The following XPR1 variants were observed in gnomAD, a reference collection of about 807,000 sequenced individuals.
The protein encoded by XPR1 is solute carrier family 53 member 1.
In XPR1, 28 loss-of-function variants were observed where a neutral mutation model predicts 87.5. The ratio of observed to expected loss-of-function variants is 0.32; its 90% CI spans 0.24 to 0.44. The LOEUF (loss-of-function observed/expected upper bound fraction) is 0.44. XPR1 is among the 20% of genes least tolerant of loss of function. The pLI, the probability that XPR1 is intolerant of heterozygous loss-of-function variation, is 1.00. For synonymous variants in XPR1, 300 were observed against 306.1 expected (o/e 0.98, Z 0.21); for missense variants, 559 against 862.3 (o/e 0.65, Z 4.41).
intron 9 of XPR1, among the ~76,000 whole-genome samples, chr1:180,827,344 A>C (rs186791962): frequency 1.3e-5 from 2 of 152,068 alleles, no homozygotes; most frequent in African/African-American, 4.8e-5. Context: ...AGGTTTTACT[A>C]TGATTACGTA....
intron 3 of XPR1, 55 bp from the exon 4 acceptor site, chr1:180,803,333 T>G (rs1649863412): frequency 6.6e-7 from 1 of 1,515,058 alleles, no homozygotes; most frequent in African/African-American, 1.4e-5. Context: ...AATTCAGAAG[T>G]CAGTAGGAAC....
chr1:180,712,237 A>C (rs1479666814), intron 2 of XPR1, among the ~76,000 whole-genome samples: 1 of 152,228 alleles, frequency 6.6e-6, no homozygotes, highest in Non-Finnish European at 1.5e-5. Flanking sequence ...TTACTTGAAC[A>C]CAAGCACTGA....
At position 180,873,917 on chromosome 1, in the gene XPR1, G is replaced by A; in HGVS notation, c.1783G>A (p.Val595Ile). 6.2e-7 allele frequency: 1 copy of A among 1,613,760 alleles called. No individual in the cohort carries two copies. Among genetic ancestry groups the A allele is most frequent in the South Asian group, 1.1e-5 (1 of 90,932 alleles). ...TCATTCTGGGGACATCATTGCTACT[G>A]TCTTTGCCCCACTTGAGGTTTTCCG... ...LPHSGDIIAT[V>I]FAPLEVFRRF... The change falls in exon 13 of 15, where the codon GTC becomes ATC. Residue 595 changes from valine (V) to isoleucine (I), a missense_variant. Coordinates refer to ENST00000367590, the MANE Select transcript of XPR1 (RefSeq NM_004736.4).
rs1225171539 is a variant in XPR1, at chr1:180,888,246, T to C, written c.*4180T>C. 1 of 152,074 alleles carries C rather than the reference T, an allele frequency of 6.6e-6. No individual in the cohort carries two copies. Among genetic ancestry groups the C allele is most frequent in the Non-Finnish European group, 1.5e-5 (1 of 68,018 alleles). 9.4% of individuals were successfully genotyped at this position (152,074 alleles called of 1,614,324 possible). A position where few individuals can be genotyped will look rare whatever the true frequency, so the allele number is the denominator to read the frequency against. On this transcript the variant is annotated 3_prime_UTR_variant, in exon 15 of 15. Coordinates refer to ENST00000367590, the MANE Select transcript of XPR1 (RefSeq NM_004736.4). ...AAGCAGTGACCACAAAAATTTCTTA[T>C]TCTAAGGAAAATAATTAAGAAAATA...
At chr1:180,782,155 T>A (rs1571832822) in intron 2 of XPR1, among the ~76,000 whole-genome samples, 1 of 151,734 alleles carries the variant, frequency 6.6e-6, no homozygotes, top group East Asian at 1.9e-4. Flanking sequence ...ATTTTTTTTC[T>A]CTCGTTTGAC....
At chr1:180,722,833 G>GT (rs1658219186) in intron 2 of XPR1, among the ~76,000 whole-genome samples, 1 of 152,254 alleles carries the variant, frequency 6.6e-6, no homozygotes, top group South Asian at 2.1e-4. Context: ...TGGACAGGTG[G>GT]TATGTTTACA....
At chr1:180,735,615 T>TA (rs1298671698) in intron 2 of XPR1, among the ~76,000 whole-genome samples, 16 of 152,196 alleles carry the variant, frequency 1.1e-4, no homozygotes, top group Middle Eastern at 3.2e-3. Context: ...TGAACTCTAT[T>TA]AACTATTCCC....
At chr1:180,770,617 A>G (rs916436444) in intron 2 of XPR1, among the ~76,000 whole-genome samples, 4 of 152,192 alleles carry the variant, frequency 2.6e-5, no homozygotes, top group Non-Finnish European at 5.9e-5. Flanking sequence ...GTTTTGTGCT[A>G]TGAAGGTTGC....
At chr1:180,850,666 A>G (rs890559070) in intron 11 of XPR1, among the ~76,000 whole-genome samples, 9 of 152,188 alleles carry the variant, frequency 5.9e-5, no homozygotes, top group East Asian at 5.8e-4. Context: ...TGTAAAATGT[A>G]TAGAATCCTG....
chr1:180,634,294 A>C (rs1654692456), intron 1 of XPR1, among the ~76,000 whole-genome samples: 1 of 152,194 alleles, frequency 6.6e-6, no homozygotes, highest in South Asian at 2.1e-4. Context: ...TTCTGCGGAG[A>C]GTTCCTACTA....
intron 1 of XPR1, among the ~76,000 whole-genome samples, chr1:180,662,075 C>T (rs1655799429): frequency 6.6e-6 from 1 of 152,116 alleles, no homozygotes; most frequent in African/African-American, 2.4e-5. Flanking sequence ...TTGATCAGTT[C>T]ATCTTTTCAT....
intron 7 of XPR1, among the ~76,000 whole-genome samples, chr1:180,819,311 T>G (rs1650526949): frequency 6.6e-6 from 1 of 152,232 alleles, no homozygotes; most frequent in African/African-American, 2.4e-5. Context: ...GTATTTTCAT[T>G]CAGAAGAATA....
intron 2 of XPR1, among the ~76,000 whole-genome samples, chr1:180,682,755 C>G (rs1571718655): frequency 6.6e-6 from 1 of 151,770 alleles, no homozygotes; most frequent in Non-Finnish European, 1.5e-5. Context: ...ATAGCTTTTC[C>G]TTTCTATTTA....
intron 2 of XPR1, among the ~76,000 whole-genome samples, chr1:180,735,159 G>A (rs1170172792): frequency 1.3e-5 from 2 of 152,144 alleles, no homozygotes; most frequent in African/African-American, 4.8e-5. Context: ...GAATGTGTCT[G>A]TTCTGTATTT....
At chr1:180,848,643 T>C (rs1202811398) in intron 11 of XPR1, among the ~76,000 whole-genome samples, 1 of 152,160 alleles carries the variant, frequency 6.6e-6, no homozygotes, top group Non-Finnish European at 1.5e-5. Context: ...AGATGTCTCT[T>C]TGTTATACTG....
intron 2 of XPR1, among the ~76,000 whole-genome samples, chr1:180,707,708 G>T (rs1657605098): frequency 6.6e-6 from 1 of 152,124 alleles, no homozygotes; most frequent in Non-Finnish European, 1.5e-5. Context: ...ATGTTTATTG[G>T]AAACACCTTG....
intron 1 of XPR1, among the ~76,000 whole-genome samples, chr1:180,659,220 TC>T (rs1655655574): frequency 1.8e-5 from 1 of 55,420 alleles, no homozygotes; most frequent in African/African-American, 7.0e-5. Flanking sequence ...CTTCCTTCCT[TC>T]CTTCCTTCCT....
intron 2 of XPR1, among the ~76,000 whole-genome samples, chr1:180,728,302 G>GA (rs1043961911): frequency 2.7e-5 from 4 of 146,034 alleles, no homozygotes; most frequent in African/African-American, 1.0e-4. Context: ...ATAACTGGGG[G>GA]GGGGGGTAGT....
Position 180,632,172 on chromosome 1 carries a change from C to T in XPR1, c.-30C>T, listed in dbSNP as rs374624546. ...GCCGCCGCCGCCTGTAGCTGCTGGA[C>T]CCGAGTGGGAGTGAGGGGGAAACGG... On this transcript the variant is annotated 5_prime_UTR_variant, in exon 1 of 15. Coordinates refer to ENST00000367590, the MANE Select transcript of XPR1 (RefSeq NM_004736.4). The T allele has an allele frequency of 5.0e-5, 80 of 1,594,458 alleles. No homozygotes were observed. Among genetic ancestry groups the T allele is most frequent in the Non-Finnish European group, 6.6e-5 (77 of 1,170,972 alleles).
Sources: gnomAD v4.1 joint callset for allele counts (sites outside exome capture counted in the v4.1 genomes callset) on GRCh38, gnomAD v4.1.1 for gene constraint, MANE v1.5 for transcripts, NCBI Gene and HGNC (gene_info 2026-07-23, HGNC 2026-07-21) for gene names.